The following TNKS variants were observed in gnomAD, a reference collection of about 807,000 sequenced individuals.
TNKS encodes tankyrase, also known as poly [ADP-ribose] polymerase tankyrase-1.
A neutral mutation model predicts 135.8 loss-of-function variants in TNKS; 72 were observed. The ratio of observed to expected loss-of-function variants is 0.53; its 90% confidence interval spans 0.44 to 0.64. The LOEUF is 0.64. Ranked by LOEUF, TNKS falls within the 30% of genes least tolerant of loss-of-function variation. TNKS has a pLI of 0.00. For missense variants in TNKS, 1,769 were observed against 1,674.0 expected (o/e 1.06, Z -0.99); for synonymous variants, 849 against 649.3 (o/e 1.31, Z -4.68).
chr8:9,767,513 A>G (rs774426442), intron 25 of TNKS, among the ~76,000 whole-genome samples: 2 of 152,244 alleles, frequency 1.3e-5, no homozygotes, highest in Non-Finnish European at 2.9e-5. Context: ...GAGGGAGAAA[A>G]GCCCCAGTAA....
At chr8:9,680,587 T>G in intron 4 of TNKS, 138 bp from the exon 5 acceptor site, 1 of 588,270 alleles carries the variant, frequency 1.7e-6, no homozygotes, top group Middle Eastern at 4.5e-4. Flanking sequence ...AATTGAATAT[T>G]GCAAAAGAGA....
At chr8:9,691,771 A>T (rs961853126) in intron 5 of TNKS, among the ~76,000 whole-genome samples, 2 of 152,194 alleles carry the variant, frequency 1.3e-5, no homozygotes, top group East Asian at 3.8e-4. Context: ...AAATATTGGT[A>T]TTTAAAATTT....
intron 1 of TNKS, among the ~76,000 whole-genome samples, chr8:9,573,267 G>A (rs989276405): frequency 6.6e-6 from 1 of 152,184 alleles, no homozygotes; most frequent in Non-Finnish European, 1.5e-5. Flanking sequence ...TCCAGAGCCA[G>A]AATAGGTTCA....
intron 2 of TNKS, among the ~76,000 whole-genome samples, chr8:9,599,309 G>C (rs1385025072): frequency 6.6e-6 from 1 of 152,140 alleles, no homozygotes; most frequent in Non-Finnish European, 1.5e-5. Context: ...ATTGGGATAC[G>C]AGAGAGTGTT....
At chr8:9,712,899 TA>T (rs1297555142) in intron 11 of TNKS, among the ~76,000 whole-genome samples, 1 of 152,176 alleles carries the variant, frequency 6.6e-6, no homozygotes, top group Non-Finnish European at 1.5e-5. Context: ...CAGAAAATAA[TA>T]ATCATGAAAT....
chr8:9,680,397 A>C (rs578185426), intron 4 of TNKS, among the ~76,000 whole-genome samples: 3 of 152,264 alleles, frequency 2.0e-5, no homozygotes, highest in African/African-American at 7.2e-5. Flanking sequence ...TTAGCTCTTT[A>C]CAGCATTTTG....
At position 9,741,840 on chromosome 8, in the gene TNKS, C is replaced by T. The variant is rs1338874828; in HGVS notation, c.2644-6184C>T. 8 of 337,552 alleles carry T rather than the reference C, an allele frequency of 2.4e-5. No individual in the cohort carries two copies. The East Asian group carries it at 5.4e-4, about 23-fold the overall frequency. The allele number at this position is 337,552 out of a possible 1,614,324, so 20.9% of individuals were successfully genotyped here. A position where few individuals can be genotyped will look rare whatever the true frequency, so the allele number is the denominator to read the frequency against. The stretch of plus-strand genomic sequence containing the variant: ...TGAAGAGAGGTGTAATGCAATCGGT[C>T]TCCTGACCGGAAGTCCACTCTTTCA... On this transcript the variant is annotated intron_variant, in intron 17 of 26. Coordinates refer to ENST00000310430, the MANE Select transcript of TNKS (RefSeq NM_003747.3).
At chr8:9,693,986 G>GA (rs1416053407) in intron 5 of TNKS, among the ~76,000 whole-genome samples, 1 of 152,182 alleles carries the variant, frequency 6.6e-6, no homozygotes, top group Non-Finnish European at 1.5e-5. Context: ...TGGTAATCTA[G>GA]AAAGTCCCAA....
At chr8:9,640,171 G>C (rs1800671226) in intron 3 of TNKS, among the ~76,000 whole-genome samples, 3 of 152,104 alleles carry the variant, frequency 2.0e-5, no homozygotes, top group South Asian at 4.2e-4. Flanking sequence ...ACCATAGACT[G>C]GGTGATTTAT....
intron 5 of TNKS, among the ~76,000 whole-genome samples, chr8:9,689,147 T>C (rs1435123831): frequency 6.6e-6 from 1 of 152,194 alleles, no homozygotes; most frequent in African/African-American, 2.4e-5. Flanking sequence ...ATCACTGCCT[T>C]TTTTTCCTTT....
chr8:9,761,590 C>G lies in TNKS; in HGVS notation c.3228C>G (p.Arg1076=). 6.2e-7 allele frequency: 1 copy of G among 1,603,360 alleles called. No homozygotes were observed. The highest frequency in any genetic ancestry group is 1.1e-5 in the South Asian group (1 of 88,384). ...KEIGINAYGH[R]HKLIKGVERL... ...TAGGCATCAATGCATATGGGCACCG[C>G]CACAAATTAATCAAAGGAGTAGAAA... is the stretch of plus-strand genomic sequence containing the variant. The change falls in exon 21 of 27, where the codon CGC becomes CGG. Residue 1076 remains arginine (R), a synonymous_variant. Transcript: ENST00000310430.
intron 25 of TNKS, among the ~76,000 whole-genome samples, chr8:9,768,693 T>C (rs1261239433): frequency 6.6e-6 from 1 of 152,216 alleles, no homozygotes; most frequent in African/African-American, 2.4e-5. Flanking sequence ...CACCTTTGTG[T>C]GACGTAAGAG....
chr8:9,690,208 C>T (rs1346835086), intron 5 of TNKS, among the ~76,000 whole-genome samples: 1 of 152,160 alleles, frequency 6.6e-6, no homozygotes, highest in East Asian at 1.9e-4. Context: ...ATTTTCACCA[C>T]ACGTTTTAAT....
At chr8:9,768,779 T>A (rs1233421399) in intron 25 of TNKS, among the ~76,000 whole-genome samples, 1 of 152,194 alleles carries the variant, frequency 6.6e-6, no homozygotes, top group African/African-American at 2.4e-5. Flanking sequence ...CTCCTTCTGA[T>A]GGAGAGCAAA....
intron 18 of TNKS, among the ~76,000 whole-genome samples, chr8:9,749,948 G>C (rs983066042): frequency 6.6e-6 from 1 of 152,112 alleles, no homozygotes; most frequent in Non-Finnish European, 1.5e-5. Flanking sequence ...GTCCAAACTA[G>C]TACAACTCTT....
intron 11 of TNKS, among the ~76,000 whole-genome samples, chr8:9,713,564 A>G: frequency 6.6e-6 from 1 of 152,194 alleles, no homozygotes; most frequent in East Asian, 1.9e-4. Flanking sequence ...ATGACTTAGA[A>G]GAACTTCTAG....
intron 20 of TNKS, among the ~76,000 whole-genome samples, chr8:9,758,641 G>C (rs558569574): frequency 8.2e-4 from 125 of 152,282 alleles, no homozygotes; most frequent in African/African-American, 2.8e-3. Context: ...GCAGTAAACT[G>C]TCCAACAGGT....
chr8:9,715,737 T>C lies in TNKS; in HGVS notation c.1750-4637T>C, dbSNP rs150531500. Among the ~76,000 whole-genome samples the C allele has an allele frequency of 5.3e-4, 81 of 152,258 alleles. 1 individual carries two copies. In the Middle Eastern group the frequency reaches 0.01, roughly 19 times the overall value. On this transcript the variant is annotated intron_variant, in intron 11 of 26. Transcript: ENST00000310430. ...GCTAGTAAGGAGAGTTACAAGAACA[T>C]TGGAGCATTACCCAATTCATTTGAA...
At chr8:9,750,166 T>C (rs554642410) in intron 18 of TNKS, among the ~76,000 whole-genome samples, 3 of 152,348 alleles carry the variant, frequency 2.0e-5, no homozygotes, top group African/African-American at 7.2e-5. Context: ...TTAAAGATTT[T>C]GAGGTAATAT....
Sources: gnomAD v4.1 joint callset for allele counts (sites outside exome capture counted in the v4.1 genomes callset) on GRCh38, gnomAD v4.1.1 for gene constraint, MANE v1.5 for transcripts, NCBI Gene and HGNC (gene_info 2026-07-23, HGNC 2026-07-21) for gene names.